RBM12: variants seen among roughly 807,000 people sequenced by gnomAD.
RBM12 encodes RNA binding motif protein 12, also known as RNA-binding protein 12.
Under a neutral mutation model 37.2 loss-of-function variants are expected in RBM12, and 24 were observed. The ratio of observed to expected loss-of-function variants is 0.65; its 90% CI spans 0.47 to 0.91. RBM12 has a LOEUF of 0.91. RBM12 is among the 40% of genes least tolerant of loss of function. The pLI, the probability that RBM12 is intolerant of heterozygous loss-of-function variation, is 0.00. For synonymous variants in RBM12, 420 were observed against 425.2 expected, an observed-to-expected ratio of 0.99 and a Z score of 0.15; for missense variants, 1,061 against 1,183.2, an observed-to-expected ratio of 0.90 and a Z score of 1.52.
chr20:35,658,802 A>AACACACACAC (rs10542710), intron 2 of RBM12, 128 bp downstream of exon 2: 69 of 473,568 alleles, frequency 1.5e-4, no homozygotes, highest in African/African-American at 1.2e-3. Context: ...AGCAAACAAA[A>AACACACACAC]ACACACACAC....
chr20:35,653,872 T>G lies in RBM12; in HGVS notation c.1451A>C (p.Tyr484Ser). ...GFVEFRNEAD[Y>S]KAALCRHKQY... ...TTTATGACGACACAGAGCAGCCTTA[T>G]AGTCAGCCTCATTTCTGAACTCTAC... The change falls in exon 3 of 3, where the codon TAT becomes TCT. Residue 484 changes from tyrosine to serine, a missense_variant. Tyr to Ser is a moderately radical substitution (Grantham distance 144). Transcript: ENST00000374114. 6.2e-7 allele frequency: 1 copy of G among 1,614,134 alleles called. No homozygotes were observed. The highest frequency in any genetic ancestry group is 8.5e-7 in the Non-Finnish European group (1 of 1,180,040).
At position 35,650,615 on chromosome 20, in the gene RBM12, C is replaced by T. The variant is rs2033437840; in HGVS notation, c.*1909G>A. 1 of 152,562 alleles carries T rather than the reference C, an allele frequency of 6.6e-6. No individual in the cohort carries two copies. The highest frequency in any genetic ancestry group is 1.5e-5 in the Non-Finnish European group (1 of 68,006). The allele number at this position is 152,562 out of a possible 1,614,324, so 9.5% of individuals were successfully genotyped here. On this transcript the variant is annotated 3_prime_UTR_variant, in exon 3 of 3. Coordinates refer to ENST00000374114, the MANE Select transcript of RBM12 (RefSeq NM_006047.6). The stretch of plus-strand genomic sequence containing the variant: ...GGCAGTATCTAGTGATCGGTCAAAG[C>T]AAATCTGTATTCATGAATTATCAAA...
rs778007156 is a variant in RBM12, at chr20:35,655,092, C to G, written c.231G>C (p.Thr77=). Residue 77 remains threonine (T), a synonymous_variant, in exon 3 of 3, where the codon ACG becomes ACC. Coordinates refer to ENST00000374114, the MANE Select transcript of RBM12 (RefSeq NM_006047.6). ...TCAGTTCAATCATATTCTGCATTTC[C>G]GTCTTACTACTCAACAATAGTGTTA... ...SKVTLLLSSK[T]EMQNMIELSR... The G allele has an allele frequency of 6.2e-7, 1 of 1,614,116 alleles. No individual in the cohort carries two copies. Among genetic ancestry groups the G allele is most frequent in the Admixed American group, 1.7e-5 (1 of 60,014 alleles).
intron 1 of RBM12, chr20:35,664,351 C>T (rs1269123332): frequency 6.6e-6 from 1 of 152,282 alleles, no homozygotes; most frequent in African/African-American, 2.4e-5. Flanking sequence ...CTACGATTAT[C>T]TCCCCACCTC....
intron 1 of RBM12, among the ~76,000 whole-genome samples, chr20:35,660,501 G>A (rs1166262975): frequency 6.6e-6 from 1 of 152,132 alleles, no homozygotes; most frequent in African/African-American, 2.4e-5. Flanking sequence ...TTACAGGTGT[G>A]AGCCACCACG....
Position 35,655,200 on chromosome 20 carries a change from A to G in RBM12, c.123T>C (p.Gly41=). The change falls in exon 3 of 3, where the codon GGT becomes GGC. Residue 41 remains glycine, a synonymous_variant. Transcript: ENST00000374114. ...CAGTGGCAAAAACGATGAAAGCCTC[A>G]CCCAGTTCACCCCCTACAATATGCA... is the stretch of plus-strand genomic sequence containing the variant. The part of the protein sequence containing the change: ...GGVHIVGGEL[G]EAFIVFATDE... 6.2e-7 allele frequency: 1 copy of G among 1,614,098 alleles called. No individual in the cohort carries two copies. The highest frequency in any genetic ancestry group is 1.1e-5 in the South Asian group (1 of 91,072).
chr20:35,659,128 G>C, intron 1 of RBM12, 114 bp from the exon 2 acceptor site: 1 of 292,972 alleles, frequency 3.4e-6, no homozygotes, highest in Non-Finnish European at 6.1e-6. Flanking sequence ...TACTTCATTA[G>C]AATGCATATC....
chr20:35,664,140 C>T (rs535557211), intron 1 of RBM12, among the ~76,000 whole-genome samples: 154 of 152,184 alleles, frequency 1.0e-3, no homozygotes, highest in Middle Eastern at 3.2e-3. Flanking sequence ...TAAAGCCCCT[C>T]CCCAGCAATG....
At chr20:35,661,039 G>A (rs938757549) in intron 1 of RBM12, among the ~76,000 whole-genome samples, 10 of 152,204 alleles carry the variant, frequency 6.6e-5, no homozygotes, top group Admixed American at 6.5e-4. Flanking sequence ...CAAGTTTTAT[G>A]TGTACAACTT....
At position 35,653,308 on chromosome 20, in the gene RBM12, A is replaced by G; in HGVS notation, c.2015T>C (p.Leu672Pro). ...LPSAGLPGAG[L>P]PSTGLPGSAI... is the part of the protein sequence containing the mutation. The stretch of plus-strand genomic sequence containing the variant: ...TGAACCAGGCAGTCCTGTGCTGGGC[A>G]GGCCTGCACCGGGAAGTCCTGCACT... Residue 672 changes from leucine (L) to proline (P), a missense_variant, in exon 3 of 3, where the codon CTG becomes CCG. By Grantham distance (98) the Leu-to-Pro change is moderately conservative. Coordinates refer to ENST00000374114, the MANE Select transcript of RBM12 (RefSeq NM_006047.6). 1.2e-6 allele frequency: 2 copies of G among 1,613,680 alleles called. No individual in the cohort carries two copies. The highest frequency in any genetic ancestry group is 1.7e-5 in the Admixed American group (1 of 60,010).
chr20:35,652,737 G>A lies in RBM12; in HGVS notation c.2586C>T (p.Asn862=). Residue 862 remains asparagine, a synonymous_variant, in exon 3 of 3, where the codon AAC becomes AAT. Transcript: ENST00000374114. ...KPGPTVIKVQ[N]MPFTVSIDEI... is the part of the protein sequence containing the mutation. ...CATCAATAGACACAGTAAAGGGCAT[G>A]TTTTGCACTTTAATTACTGTCGGTC... 6.2e-7 allele frequency: 1 copy of A among 1,613,676 alleles called. No homozygotes were observed. The highest frequency in any genetic ancestry group is 8.5e-7 in the Non-Finnish European group (1 of 1,179,766).
rs376639283 is a variant in RBM12, at chr20:35,654,570, A to C, written c.753T>G (p.Pro251=). 5.0e-6 allele frequency: 8 copies of C among 1,614,118 alleles called. No individual in the cohort carries two copies. Among genetic ancestry groups the C allele is most frequent in the Non-Finnish European group, 6.8e-6 (8 of 1,180,052 alleles). The change falls in exon 3 of 3, where the codon CCT becomes CCG. Residue 251 remains proline (P), a synonymous_variant. Coordinates refer to ENST00000374114, the MANE Select transcript of RBM12 (RefSeq NM_006047.6). ...TCATTCCAGCAGGTAGAGGTGCCAC[A>C]GGTGGCGGATTCAAGGGCGGCATGC... ...MSGMPPLNPP[P]VAPLPAGMNG...
Position 35,651,640 on chromosome 20 carries a change from G to C in RBM12, c.*884C>G, listed in dbSNP as rs2033527386. ...ATACTACAATTAGTCCATATGAAAA[G>C]GACTTCAAATCAAGTATCTTAAACA... On this transcript the variant is annotated 3_prime_UTR_variant, in exon 3 of 3. Coordinates refer to ENST00000374114, the MANE Select transcript of RBM12 (RefSeq NM_006047.6). 1 of 152,304 alleles carries C rather than the reference G, an allele frequency of 6.6e-6. No individual in the cohort carries two copies. 9.4% of individuals were successfully genotyped at this position (152,304 alleles called of 1,614,324 possible).
At chr20:35,662,218 A>G (rs559047738) in intron 1 of RBM12, among the ~76,000 whole-genome samples, 216 of 152,330 alleles carry the variant, frequency 1.4e-3, no homozygotes, top group African/African-American at 4.8e-3. Flanking sequence ...CTCCTGTCAA[A>G]AATATTAAGT....
intron 1 of RBM12, among the ~76,000 whole-genome samples, chr20:35,661,138 C>A (rs6121018): frequency 0.26 from 39,142 of 151,814 alleles, 5,791 homozygotes; most frequent in African/African-American, 0.42. Context: ...CCAAGGAAAA[C>A]CATGCAGAAA....
Position 35,651,827 on chromosome 20 carries a change from A to G in RBM12, c.*697T>C, listed in dbSNP as rs749883477. ...AAAAGTCTTATTCCACACAGTTTTAAGTGTGACATTAGAAATCAAAGTTTG... is the reference window on the plus strand; with the variant it reads ...AAAAGTCTTATTCCACACAGTTTTAGGTGTGACATTAGAAATCAAAGTTTG... On this transcript the variant is annotated 3_prime_UTR_variant, in exon 3 of 3. Coordinates refer to ENST00000374114, the MANE Select transcript of RBM12 (RefSeq NM_006047.6). The G allele has an allele frequency of 6.6e-6, 1 of 152,644 alleles. No homozygotes were observed. The highest frequency in any genetic ancestry group is 1.5e-5 in the Non-Finnish European group (1 of 68,032). 9.5% of individuals were successfully genotyped at this position (152,644 alleles called of 1,614,324 possible).
rs887450725 is a variant in RBM12, at chr20:35,649,600, T to C, written c.*2924A>G. The stretch of plus-strand genomic sequence containing the variant: ...TTTAAAAAGCCACTAATAATAATTG[T>C]ACATCCAAACTACTGTGTAAACACA... On this transcript the variant is annotated 3_prime_UTR_variant, in exon 3 of 3. Coordinates refer to ENST00000374114, the MANE Select transcript of RBM12 (RefSeq NM_006047.6). 2 of 152,656 alleles carry C rather than the reference T, an allele frequency of 1.3e-5. No homozygotes were observed. The highest frequency in any genetic ancestry group is 6.5e-5 in the Admixed American group (1 of 15,282). 9.5% of individuals were successfully genotyped at this position (152,656 alleles called of 1,614,324 possible). A position where few individuals can be genotyped will look rare whatever the true frequency, so the allele number is the denominator to read the frequency against.
At chr20:35,655,921 C>T (rs2033870935) in intron 2 of RBM12, among the ~76,000 whole-genome samples, 1 of 152,138 alleles carries the variant, frequency 6.6e-6, no homozygotes, top group Non-Finnish European at 1.5e-5. Context: ...TAAATGAGAA[C>T]TGGTTCCATT....
At chr20:35,656,830 A>G (rs1330494559) in intron 2 of RBM12, among the ~76,000 whole-genome samples, 1 of 146,938 alleles carries the variant, frequency 6.8e-6, no homozygotes, top group Non-Finnish European at 1.5e-5. Flanking sequence ...TTTAAATATA[A>G]GCCCATAAAA....
Sources: allele counts gnomAD v4.1 joint callset (sites outside exome capture counted in the v4.1 genomes callset), GRCh38; gene constraint gnomAD v4.1.1; transcripts MANE v1.5; gene names NCBI Gene and HGNC (gene_info 2026-07-23, HGNC 2026-07-21).